ANO3: variants seen among roughly 807,000 people sequenced by gnomAD.
The protein encoded by ANO3 is anoctamin 3.
ANO3 carries 99 observed loss-of-function variants against 144.8 expected under a neutral mutation model. That is an observed-to-expected ratio of 0.68 (90% confidence interval 0.58 to 0.81). The LOEUF is 0.81. Among genes scored for constraint, ANO3 ranks in the 30% least tolerant of loss-of-function variants. The pLI is 0.00. For synonymous variants in ANO3, 414 were observed against 392.6 expected, an observed-to-expected ratio of 1.05 and a Z score of -0.64; for missense variants, 905 against 1,202.2, an observed-to-expected ratio of 0.75 and a Z score of 3.66.
intron 7 of ANO3, among the ~76,000 whole-genome samples, chr11:26,526,845 G>A (rs568463030): frequency 3.9e-5 from 6 of 152,130 alleles, no homozygotes; most frequent in African/African-American, 1.4e-4. Context: ...TTTCCCATGT[G>A]GGTATTTGGT....
At chr11:26,207,896 T>C (rs1270395114) in intron 1 of ANO3, 2 of 135,112 alleles carry the variant, frequency 1.5e-5, no homozygotes, top group African/African-American at 2.5e-5. Flanking sequence ...ATAATAAATA[T>C]TGTCAGTTAC....
chr11:26,224,479 C>A (rs192990792), intron 1 of ANO3, among the ~76,000 whole-genome samples: 134 of 152,364 alleles, frequency 8.8e-4, no homozygotes, highest in Admixed American at 1.7e-3. Context: ...CTGTTCACCA[C>A]TCCCTTTTGT....
chr11:26,431,127 C>A (rs764164266), intron 1 of ANO3, among the ~76,000 whole-genome samples: 12 of 152,314 alleles, frequency 7.9e-5, no homozygotes, highest in Non-Finnish European at 1.8e-4. Context: ...GAATTTTTAA[C>A]TTCATTTAAT....
chr11:26,292,465 G>C (rs10834954), intron 1 of ANO3, among the ~76,000 whole-genome samples: 38,018 of 151,976 alleles, frequency 0.25, 6,805 homozygotes, highest in African/African-American at 0.51. Context: ...TGGTGAGGAG[G>C]TGCGATCCTT....
rs368974693 is a variant in ANO3 at position 26,244,137 on chromosome 11, GA to G, written c.154+54812del. On this transcript the variant is annotated intron_variant, in intron 1 of 27. Coordinates refer to the ANO3 transcript ENST00000672621. ...GTCTGAAAAAAAAAAAAAAAGAAAA[GA>G]AAAAGAAAAAGAAAAGAAAAGAAAA... 4.4e-3 allele frequency among the ~76,000 whole-genome samples: 389 copies of G among 88,656 alleles called. 5 individuals are homozygous for G. The highest frequency in any genetic ancestry group is 3.6e-3 in the Non-Finnish European group (127 of 35,388). 58.2% of individuals were successfully genotyped at this position (88,656 alleles called of 152,430 possible). A position where few individuals can be genotyped will look rare whatever the true frequency, so the allele number is the denominator to read the frequency against.
intron 1 of ANO3, among the ~76,000 whole-genome samples, chr11:26,310,057 A>C (rs529065511): frequency 3.0e-4 from 45 of 152,284 alleles, no homozygotes; most frequent in Non-Finnish European, 5.4e-4. Flanking sequence ...TTAATCAGCA[A>C]AAGGCCCTAC....
At chr11:26,412,220 T>C (rs1409810333) in intron 1 of ANO3, among the ~76,000 whole-genome samples, 1 of 151,994 alleles carries the variant, frequency 6.6e-6, no homozygotes, top group African/African-American at 2.4e-5. Context: ...CATTAGGCTA[T>C]CTGAACCTGT....
In ANO3 at chr11:26,654,911, G is replaced by A. The variant is rs113283962; in HGVS notation, c.2577-1214G>A. 2.3e-3 allele frequency among the ~76,000 whole-genome samples: 343 copies of A among 152,142 alleles called. 3 individuals carry two copies. The highest frequency in any genetic ancestry group is 3.3e-3 in the Non-Finnish European group (223 of 67,984). On this transcript the variant is annotated intron_variant, in intron 24 of 26. Coordinates refer to ENST00000256737, the MANE Select transcript of ANO3 (RefSeq NM_031418.4). ...TTCCACTGAGCGATTTTATATGATAGAAAAAACCTTGTATTGCGAGAATTA... is the reference window on the plus strand; with the variant it reads ...TTCCACTGAGCGATTTTATATGATAAAAAAAACCTTGTATTGCGAGAATTA...
rs371337106 is a variant in ANO3 at position 26,508,312 on chromosome 11, T to A, written c.591+50T>A. 10 of 1,503,926 alleles carry A rather than the reference T, an allele frequency of 6.6e-6. No homozygotes were observed. In the African/African-American group the frequency reaches 1.0e-4, roughly 15 times the overall value. The allele number at this position is 1,503,926 out of a possible 1,614,324, so 93.2% of individuals were successfully genotyped here. ...ATGTGATAAAATGTGTTGGAACAGA[T>A]ATAATCACTTATGGTTTAGAAAGAA... On this transcript the variant is annotated intron_variant, in intron 5 of 26. Transcript: ENST00000256737.
chr11:26,231,362 G>T (rs905407932), intron 1 of ANO3, among the ~76,000 whole-genome samples: 1 of 152,100 alleles, frequency 6.6e-6, no homozygotes. Context: ...TGAAACAGAG[G>T]CAGATGAGTT....
intron 1 of ANO3, among the ~76,000 whole-genome samples, chr11:26,292,370 C>A (rs1291151029): frequency 6.6e-6 from 1 of 152,094 alleles, no homozygotes; most frequent in Non-Finnish European, 1.5e-5. Flanking sequence ...TATTTTAGCT[C>A]AGAGAAGTTT....
intron 4 of ANO3, among the ~76,000 whole-genome samples, chr11:26,480,010 T>A (rs1860146434): frequency 6.6e-6 from 1 of 152,016 alleles, no homozygotes; most frequent in African/African-American, 2.4e-5. Flanking sequence ...TGAGCAAAGA[T>A]ATAGAGTTTG....
intron 1 of ANO3, among the ~76,000 whole-genome samples, chr11:26,240,775 A>G (rs1852646787): frequency 6.6e-6 from 1 of 152,188 alleles, no homozygotes; most frequent in Admixed American, 6.5e-5. Context: ...CCACACTTAC[A>G]ACTACTGCCA....
At chr11:26,538,107 G>A (rs892196819) in intron 10 of ANO3, among the ~76,000 whole-genome samples, 2 of 152,114 alleles carry the variant, frequency 1.3e-5, no homozygotes, top group Non-Finnish European at 2.9e-5. Context: ...ATAATACAAG[G>A]CTGAGGAATT....
At chr11:26,453,595 C>T (rs1456008701) in intron 3 of ANO3, among the ~76,000 whole-genome samples, 2 of 151,944 alleles carry the variant, frequency 1.3e-5, no homozygotes, top group Admixed American at 1.3e-4. Context: ...CCTGAGTGAC[C>T]TACAAAGAGA....
At chr11:26,302,906 C>A (rs1307907084) in intron 1 of ANO3, among the ~76,000 whole-genome samples, 1 of 152,090 alleles carries the variant, frequency 6.6e-6, no homozygotes, top group African/African-American at 2.4e-5. Context: ...AATGAATAGA[C>A]ATTTTTTAAA....
At chr11:26,220,117 A>T (rs866498994) in intron 1 of ANO3, among the ~76,000 whole-genome samples, 1 of 152,034 alleles carries the variant, frequency 6.6e-6, no homozygotes, top group Non-Finnish European at 1.5e-5. Context: ...CCTACAGTTC[A>T]CTCCCTGAGC....
At chr11:26,227,275 A>C (rs1852276035) in intron 1 of ANO3, among the ~76,000 whole-genome samples, 1 of 152,182 alleles carries the variant, frequency 6.6e-6, no homozygotes, top group Non-Finnish European at 1.5e-5. Context: ...ATATTATTGA[A>C]AATTTATACT....
intron 1 of ANO3, among the ~76,000 whole-genome samples, chr11:26,395,308 G>T (rs985704027): frequency 1.3e-5 from 2 of 152,018 alleles, no homozygotes; most frequent in Non-Finnish European, 2.9e-5. Context: ...TTCTAATTCT[G>T]TGACGAAAGT....
Sources: allele counts gnomAD v4.1 joint callset (sites outside exome capture counted in the v4.1 genomes callset), GRCh38; gene constraint gnomAD v4.1.1; transcripts MANE v1.5; gene names NCBI Gene and HGNC (gene_info 2026-07-23, HGNC 2026-07-21).